MARCO: variants seen among roughly 807,000 people sequenced by gnomAD.
MARCO encodes macrophage receptor MARCO.
MARCO carries 72 observed loss-of-function variants against 70.0 expected under a neutral mutation model. The ratio of observed to expected loss-of-function variants is 1.03; its 90% confidence interval spans 0.85 to 1.25. The LOEUF is 1.25. Ranked by LOEUF, MARCO falls within the 50% of genes most tolerant of loss-of-function variation. MARCO has a pLI of 0.00. For synonymous variants in MARCO, 273 were observed against 243.1 expected (o/e 1.12, Z -1.14); for missense variants, 696 against 659.3 (o/e 1.06, Z -0.61).
chr2:118,964,378 T>A (rs992262060), intron 1 of MARCO, among the ~76,000 whole-genome samples: 1 of 152,204 alleles, frequency 6.6e-6, no homozygotes, highest in African/African-American at 2.4e-5. Context: ...TAGGGGAACC[T>A]CCTCTAGTCA....
At chr2:118,965,849 C>T (rs1573387621) in intron 1 of MARCO, among the ~76,000 whole-genome samples, 1 of 152,308 alleles carries the variant, frequency 6.6e-6, no homozygotes, top group African/African-American at 2.4e-5. Flanking sequence ...CCTGCTGGTC[C>T]TTCCTGCAAG....
Position 118,977,909 on chromosome 2 carries a change from G to A in MARCO, c.740G>A (p.Gly247Glu). 6.2e-7 allele frequency: 1 copy of A among 1,609,880 alleles called. No homozygotes were observed. Among genetic ancestry groups the A allele is most frequent in the Non-Finnish European group, 8.5e-7 (1 of 1,178,104 alleles). ...CCAAAAGGGGAAACTGGAACTAAGGGAGAGAAAGGAGACCTGGGTCTCCCA... is the reference window on the plus strand; with the variant it reads ...CCAAAAGGGGAAACTGGAACTAAGGAAGAGAAAGGAGACCTGGGTCTCCCA... Reference protein sequence around the residue: ...IGPKGETGTKGEKGDLGLPGS... With the variant: ...IGPKGETGTKEEKGDLGLPGS... The change falls in exon 8 of 17, where the codon GGA becomes GAA. Residue 247 changes from glycine (G) to glutamate (E), a missense_variant. Coordinates refer to ENST00000327097, the MANE Select transcript of MARCO (RefSeq NM_006770.4).
chr2:118,962,415 C>G (rs2104566653), intron 1 of MARCO, among the ~76,000 whole-genome samples: 1 of 152,156 alleles, frequency 6.6e-6, no homozygotes, highest in East Asian at 1.9e-4. Context: ...TTGTAGTTCT[C>G]CTTGAAGAGG....
At chr2:118,948,666 AG>A (rs1679650647) in intron 1 of MARCO, among the ~76,000 whole-genome samples, 2 of 152,332 alleles carry the variant, frequency 1.3e-5, no homozygotes, top group Admixed American at 1.3e-4. Flanking sequence ...TTTACTTTTT[AG>A]TTTTCCTCTT....
intron 1 of MARCO, among the ~76,000 whole-genome samples, chr2:118,957,047 G>GA (rs552037083): frequency 2.5e-3 from 375 of 152,092 alleles, no homozygotes; most frequent in Non-Finnish European, 4.3e-3. Context: ...AAGTCTGAAA[G>GA]AGCACAGACA....
chr2:118,994,304 AGCTCCCAGGC>A, intron 16 of MARCO, 73 bp from the exon 17 acceptor site: 2 of 1,507,274 alleles, frequency 1.3e-6, no homozygotes, highest in Non-Finnish European at 1.8e-6. Context: ...CTCAGATGGA[AGCTCCCAGGC>A]GCACACGTGG....
chr2:118,990,512 G>A (rs1680599935), intron 12 of MARCO, 77 bp from the exon 13 acceptor site: 6 of 1,396,976 alleles, frequency 4.3e-6, no homozygotes, highest in Non-Finnish European at 6.1e-6. Flanking sequence ...AAAAGGTAGA[G>A]GTTGTCTAAG....
At position 118,960,944 on chromosome 2, in the gene MARCO, G is replaced by A. The variant is rs181059663; in HGVS notation, c.98-8216G>A. Among the ~76,000 whole-genome samples the A allele has an allele frequency of 1.1e-4, 16 of 152,038 alleles. No individual in the cohort carries two copies. The East Asian group carries it at 2.3e-3, about 22-fold the overall frequency. On this transcript the variant is annotated intron_variant, in intron 1 of 16. Transcript: ENST00000327097. Reference sequence around the variant, plus strand: ...GTGTTGTTCCCCTCCTTGTGTCCACGTGTTCTCATTGTTCAGCTCCCACAT... The same window carrying A: ...GTGTTGTTCCCCTCCTTGTGTCCACATGTTCTCATTGTTCAGCTCCCACAT...
intron 1 of MARCO, chr2:118,949,415 C>G (rs1679675103): frequency 6.6e-6 from 1 of 152,128 alleles, no homozygotes; most frequent in Non-Finnish European, 1.5e-5. Context: ...CTACTGAGAC[C>G]TTGCTTTTGT....
intron 1 of MARCO, among the ~76,000 whole-genome samples, chr2:118,960,895 C>T (rs1679931696): frequency 6.6e-6 from 1 of 152,042 alleles, no homozygotes; most frequent in African/African-American, 2.4e-5. Context: ...CCCTATACCC[C>T]CACCCCCTGA....
chr2:118,972,059 T>A (rs1290964788), intron 4 of MARCO, among the ~76,000 whole-genome samples: 1 of 152,122 alleles, frequency 6.6e-6, no homozygotes, highest in East Asian at 1.9e-4. Context: ...TCTGGGTCAG[T>A]TACTTAAGTT....
At chr2:118,948,815 G>T (rs1679653943) in intron 1 of MARCO, among the ~76,000 whole-genome samples, 1 of 152,108 alleles carries the variant, frequency 6.6e-6, no homozygotes, top group Non-Finnish European at 1.5e-5. Flanking sequence ...TTGTTTGTTT[G>T]TTTGTTTGTT....
At chr2:118,952,139 C>T (rs774512539) in intron 1 of MARCO, among the ~76,000 whole-genome samples, 13 of 152,192 alleles carry the variant, frequency 8.5e-5, no homozygotes, top group Admixed American at 2.6e-4. Flanking sequence ...TTCTTACTAC[C>T]GGAGGTTTGT....
At chr2:118,949,020 A>T (rs1679663949) in intron 1 of MARCO, among the ~76,000 whole-genome samples, 1 of 152,216 alleles carries the variant, frequency 6.6e-6, no homozygotes, top group Admixed American at 6.5e-5. Context: ...CATCCTGTTA[A>T]GTCTCCAAGG....
intron 1 of MARCO, among the ~76,000 whole-genome samples, chr2:118,944,565 T>C (rs983065540): frequency 3.9e-5 from 6 of 152,224 alleles, no homozygotes; most frequent in Non-Finnish European, 5.9e-5. Flanking sequence ...CTGAAAAATA[T>C]TTCTAATGTC....
intron 12 of MARCO, among the ~76,000 whole-genome samples, chr2:118,986,378 G>A (rs1680482916): frequency 6.6e-6 from 1 of 151,890 alleles, no homozygotes; most frequent in South Asian, 2.1e-4. Context: ...GCTGGGCATA[G>A]TGGCATGTAC....
chr2:118,950,049 T>C (rs1224454610), intron 1 of MARCO: 2 of 152,224 alleles, frequency 1.3e-5, no homozygotes, highest in African/African-American at 4.8e-5. Flanking sequence ...TTCTTGCTGA[T>C]AAATTTTCTT....
intron 3 of MARCO, among the ~76,000 whole-genome samples, chr2:118,970,774 C>T (rs1417403537): frequency 6.6e-6 from 1 of 152,226 alleles, no homozygotes; most frequent in Non-Finnish European, 1.5e-5. Context: ...TCGGTGCTCT[C>T]AGGGCCTTGC....
intron 6 of MARCO, 45 bp from the exon 7 acceptor site, chr2:118,977,426 C>A (rs753224826): frequency 6.6e-6 from 10 of 1,513,966 alleles, no homozygotes; most frequent in Middle Eastern, 1.7e-4. Flanking sequence ...ACATTTTAGA[C>A]ATTCTCAGGC....
Sources: allele counts gnomAD v4.1 joint callset (sites outside exome capture counted in the v4.1 genomes callset), GRCh38; gene constraint gnomAD v4.1.1; transcripts MANE v1.5; gene names NCBI Gene and HGNC (gene_info 2026-07-23, HGNC 2026-07-21).